The following CATSPERE variants were observed in gnomAD, a reference collection of about 807,000 sequenced individuals.
The protein encoded by CATSPERE is catsper channel auxiliary subunit epsilon, also known as cation channel sperm-associated auxiliary subunit epsilon.
CATSPERE carries 93 observed loss-of-function variants against 114.1 expected under a neutral mutation model. That is an observed-to-expected ratio of 0.81 (90% CI 0.69 to 0.97). The LOEUF (loss-of-function observed/expected upper bound fraction) is 0.97. Among genes scored for constraint, CATSPERE ranks in the 50% least tolerant of loss-of-function variants. The pLI, the probability that CATSPERE is intolerant of heterozygous loss-of-function variation, is 0.00. For synonymous variants in CATSPERE, 341 were observed against 384.1 expected, an observed-to-expected ratio of 0.89 and a Z score of 1.31; for missense variants, 1,058 against 1,131.6, an observed-to-expected ratio of 0.93 and a Z score of 0.93.
chr1:244,553,580 CAA>C (rs1179306708), intron 9 of CATSPERE, among the ~76,000 whole-genome samples: 2,380 of 26,412 alleles, frequency 0.09, 40 homozygotes, highest in Non-Finnish European at 0.14. Flanking sequence ...GACCCCGTCT[CAA>C]AAAAAAAAAA....
intron 18 of CATSPERE, among the ~76,000 whole-genome samples, chr1:244,608,859 C>T (rs1212128022): frequency 6.6e-6 from 1 of 152,114 alleles, no homozygotes; most frequent in South Asian, 2.1e-4. Flanking sequence ...TTTAAACACT[C>T]ATCTTTCTGC....
At chr1:244,463,814 C>G in intron 1 of CATSPERE, 94 bp from the exon 2 acceptor site, 1 of 1,121,706 alleles carries the variant, frequency 8.9e-7, no homozygotes, top group South Asian at 1.3e-5. Context: ...GGTGACACTC[C>G]TGGCAGCCCA....
intron 10 of CATSPERE, among the ~76,000 whole-genome samples, chr1:244,562,728 G>A (rs1312437700): frequency 6.6e-6 from 1 of 151,650 alleles, no homozygotes. Flanking sequence ...CCTTATTTCT[G>A]TTTTATTTTT....
intron 17 of CATSPERE, among the ~76,000 whole-genome samples, chr1:244,600,988 CTG>C (rs1199361861): frequency 6.6e-6 from 1 of 151,814 alleles, no homozygotes; most frequent in African/African-American, 2.4e-5. Flanking sequence ...ACAGAACAAT[CTG>C]AATAATATAG....
upstream of CATSPERE, among the ~76,000 whole-genome samples, chr1:244,454,012 C>CG (rs1665888644): frequency 6.6e-6 from 1 of 152,142 alleles, no homozygotes; most frequent in Non-Finnish European, 1.5e-5. Context: ...GGGATACTCC[C>CG]GGAGTTCTTG....
chr1:244,513,522 G>T (rs377072269), intron 7 of CATSPERE, among the ~76,000 whole-genome samples: 5 of 152,282 alleles, frequency 3.3e-5, no homozygotes, highest in Admixed American at 6.5e-5. Flanking sequence ...CGGCAGTTGG[G>T]GTGAGTTGAC....
At chr1:244,531,235 CAAAAAAAAAAA>C (rs60936159) in intron 8 of CATSPERE, among the ~76,000 whole-genome samples, 1,204 of 60,406 alleles carry the variant, frequency 0.02, 26 homozygotes, top group East Asian at 0.072. Flanking sequence ...GACTCAGTCT[CAAAAAAAAAAA>C]AAAAAAAAAA....
chr1:244,586,703 G>A (rs1459146860), intron 13 of CATSPERE, among the ~76,000 whole-genome samples: 2 of 152,198 alleles, frequency 1.3e-5, no homozygotes, highest in Middle Eastern at 3.2e-3. Flanking sequence ...TTATACGGTA[G>A]GGAGTATTAG....
At chr1:244,596,566 C>A (rs1371321655) in intron 17 of CATSPERE, among the ~76,000 whole-genome samples, 2 of 151,944 alleles carry the variant, frequency 1.3e-5, no homozygotes, top group Admixed American at 1.3e-4. Flanking sequence ...GAAAAAGAAT[C>A]CTGTATAAGA....
At chr1:244,602,623 CCAGGGCTTGCCCCACACTTA>C (rs1669419551) in intron 17 of CATSPERE, among the ~76,000 whole-genome samples, 2 of 152,126 alleles carry the variant, frequency 1.3e-5, no homozygotes, top group Non-Finnish European at 2.9e-5. Context: ...ATTCAGAGTC[CCAGGGCTTGCCCCACACTTA>C]CTAGCATTTG....
At position 244,581,797 on chromosome 1, in the gene CATSPERE, CACTA is replaced by C. The variant is rs1212656376; in HGVS notation, c.1955_1958del (p.Leu652HisfsTer6). ...AAATTTTAAATTTTCTTTTTTCAGA[CACTA>C]ACATTTTATCAGAATGTAGATTATG... On this transcript the variant is annotated frameshift_variant and splice_region_variant, in exon 12 of 22. Transcript: ENST00000366534. LOFTEE classifies it high-confidence loss of function. 7.6e-7 allele frequency: 1 copy of C among 1,308,302 alleles called. No homozygotes were observed. The highest frequency in any genetic ancestry group is 1.1e-6 in the Non-Finnish European group (1 of 932,362). 81.0% of individuals were successfully genotyped at this position (1,308,302 alleles called of 1,614,324 possible). A position where few individuals can be genotyped will look rare whatever the true frequency, so the allele number is the denominator to read the frequency against.
intron 8 of CATSPERE, among the ~76,000 whole-genome samples, chr1:244,522,180 C>A (rs961824541): frequency 3.9e-5 from 6 of 152,180 alleles, no homozygotes; most frequent in African/African-American, 1.4e-4. Flanking sequence ...GATTAAGAAT[C>A]TCACTCAAAA....
At chr1:244,485,102 G>C (rs1044902059) in intron 5 of CATSPERE, among the ~76,000 whole-genome samples, 2 of 151,244 alleles carry the variant, frequency 1.3e-5, no homozygotes, top group Admixed American at 1.3e-4. Flanking sequence ...TTTCTTTTGA[G>C]ATGTATTGCA....
At chr1:244,459,119 G>A (rs897637214), upstream of CATSPERE, among the ~76,000 whole-genome samples, 11 of 145,888 alleles carry the variant, frequency 7.5e-5, no homozygotes, top group African/African-American at 2.0e-4. Flanking sequence ...TAGTTCTGTC[G>A]CCAGGCTGGA....
chr1:244,609,928 T>A (rs1453697029), intron 18 of CATSPERE, among the ~76,000 whole-genome samples: 1 of 152,114 alleles, frequency 6.6e-6, no homozygotes, highest in African/African-American at 2.4e-5. Context: ...ACACCTGTAG[T>A]CCTAGGTACT....
intron 19 of CATSPERE, among the ~76,000 whole-genome samples, chr1:244,611,521 G>T (rs12132549): frequency 6.6e-6 from 1 of 151,760 alleles, no homozygotes. Context: ...CTTGAGCCCC[G>T]ACAGCTGAGG....
chr1:244,600,923 GTCAGCAGATAAA>G (rs1255397761), intron 17 of CATSPERE, among the ~76,000 whole-genome samples: 1 of 152,150 alleles, frequency 6.6e-6, no homozygotes, highest in Non-Finnish European at 1.5e-5. Context: ...ATGAGGGCGA[GTCAGCAGATAAA>G]ATAAGTTGAA....
In CATSPERE at chr1:244,633,044, A is replaced by T. The variant is rs938944013; in HGVS notation, c.2649-2445A>T. The stretch of plus-strand genomic sequence containing the variant: ...CAGAACAAGGAAGGTATAAAGAGAC[A>T]CATTACATAATGATAAAGAAGGTGT... On this transcript the variant is annotated intron_variant, in intron 20 of 21. Coordinates refer to ENST00000366534, the MANE Select transcript of CATSPERE (RefSeq NM_001130957.2). This position sits in a 1 kb window ranked among gnomAD's most constrained non-coding sequence, Gnocchi z 4.1. 6.6e-6 allele frequency among the ~76,000 whole-genome samples: 1 copy of T among 152,262 alleles called. No individual in the cohort carries two copies. The highest frequency in any genetic ancestry group is 1.5e-5 in the Non-Finnish European group (1 of 68,040).
At chr1:244,470,943 C>T (rs543560863) in intron 2 of CATSPERE, among the ~76,000 whole-genome samples, 2 of 152,308 alleles carry the variant, frequency 1.3e-5, no homozygotes, top group South Asian at 2.1e-4. Flanking sequence ...ATTTCATTCA[C>T]ATGAAATGTC....
Sources: allele counts gnomAD v4.1 joint callset (sites outside exome capture counted in the v4.1 genomes callset), GRCh38; gene constraint gnomAD v4.1.1; non-coding constraint Gnocchi (gnomAD v3.1); transcripts MANE v1.5; gene names NCBI Gene and HGNC (gene_info 2026-07-23, HGNC 2026-07-21).